FGF12: variants seen among roughly 807,000 people sequenced by gnomAD.
FGF12 encodes the protein fibroblast growth factor 12.
FGF12 carries 14 observed loss-of-function variants against 23.6 expected under a neutral mutation model. That is an observed-to-expected ratio of 0.59 (90% CI 0.39 to 0.93). The LOEUF (loss-of-function observed/expected upper bound fraction) is 0.93. FGF12 is among the 40% of genes least tolerant of loss of function. FGF12 has a pLI of 0.00. For missense variants in FGF12, 175 were observed against 217.8 expected, an observed-to-expected ratio of 0.80 and a Z score of 1.24; for synonymous variants, 62 against 77.3, an observed-to-expected ratio of 0.80 and a Z score of 1.04.
intron 4 of FGF12, among the ~76,000 whole-genome samples, chr3:192,269,493 C>T (rs938620763): frequency 1.3e-5 from 2 of 152,158 alleles, no homozygotes; most frequent in African/African-American, 2.4e-5. Flanking sequence ...TGCAATCTTG[C>T]TCAGTTCCTT....
chr3:192,488,310 C>T lies in FGF12; in HGVS notation c.14-127772G>A, dbSNP rs144896014. On this transcript the variant is annotated intron_variant, in intron 2 of 5. Transcript: ENST00000445105. ...AATATTTCCTAATATGGAAATATAA[C>T]GTTCATCACTAATAACCACATACGA... is the stretch of plus-strand genomic sequence containing the variant. Among the ~76,000 whole-genome samples the T allele has an allele frequency of 4.1e-3, 617 of 152,048 alleles. 6 individuals carry two copies. The highest frequency in any genetic ancestry group is 0.014 in the African/African-American group (588 of 41,490).
At chr3:192,629,766 T>C (rs545039389) in intron 2 of FGF12, among the ~76,000 whole-genome samples, 1 of 152,176 alleles carries the variant, frequency 6.6e-6, no homozygotes, top group Non-Finnish European at 1.5e-5. Context: ...GTCTCTAAGG[T>C]AGTCTCATCT....
chr3:192,346,121 T>C (rs896869291), intron 3 of FGF12, among the ~76,000 whole-genome samples: 1 of 152,238 alleles, frequency 6.6e-6, no homozygotes, highest in African/African-American at 2.4e-5. Context: ...ATTCAATCCA[T>C]GTCTACTATA....
At chr3:192,668,602 A>G (rs1328627218) in intron 2 of FGF12, among the ~76,000 whole-genome samples, 3 of 152,176 alleles carry the variant, frequency 2.0e-5, no homozygotes, top group Admixed American at 2.0e-4. Context: ...ACACAGATGC[A>G]GGACCTGAAA....
At chr3:192,239,058 A>G (rs1161074626) in intron 4 of FGF12, among the ~76,000 whole-genome samples, 2 of 152,218 alleles carry the variant, frequency 1.3e-5, no homozygotes, top group African/African-American at 4.8e-5. Flanking sequence ...TGCTTAGTGT[A>G]TAACTTTTCC....
intron 2 of FGF12, among the ~76,000 whole-genome samples, chr3:192,542,756 G>A (rs1438055131): frequency 6.6e-6 from 1 of 151,976 alleles, no homozygotes; most frequent in African/African-American, 2.4e-5. Flanking sequence ...TATGGTTCTT[G>A]CAGACTTATA....
At chr3:192,162,123 G>T (rs912406972) in intron 5 of FGF12, among the ~76,000 whole-genome samples, 1 of 152,120 alleles carries the variant, frequency 6.6e-6, no homozygotes, top group Non-Finnish European at 1.5e-5. Context: ...CCAAGAAGCT[G>T]AAAGGTTAGA....
rs372970702 is a variant in FGF12 at position 192,154,521 on chromosome 3, T to G, written c.428-10394A>C. Among the ~76,000 whole-genome samples the G allele has an allele frequency of 3.7e-4, 56 of 150,328 alleles. 1 individual carries two copies. The East Asian group carries it at 0.011, about 29-fold the overall frequency. Reference sequence around the variant, plus strand: ...TGGATGTCCTTTCTGTTTGTTAGTTTTCCTTCTAACAGACAGGACCCTCAG... The same window carrying G: ...TGGATGTCCTTTCTGTTTGTTAGTTGTCCTTCTAACAGACAGGACCCTCAG... On this transcript the variant is annotated intron_variant, in intron 5 of 5. Coordinates refer to ENST00000445105, the MANE Select transcript of FGF12 (RefSeq NM_004113.6).
intron 2 of FGF12, among the ~76,000 whole-genome samples, chr3:192,720,495 A>G (rs1404814255): frequency 6.6e-6 from 1 of 152,182 alleles, no homozygotes; most frequent in Non-Finnish European, 1.5e-5. Flanking sequence ...AATTAGAACT[A>G]TTGACATAGA....
intron 2 of FGF12, among the ~76,000 whole-genome samples, chr3:192,618,603 A>G (rs952754113): frequency 2.6e-5 from 4 of 152,118 alleles, no homozygotes; most frequent in African/African-American, 9.7e-5. Flanking sequence ...ATTCTCTCTA[A>G]AACTCTGGCT....
At chr3:192,700,019 C>CCAAATCT (rs1718242792) in intron 2 of FGF12, among the ~76,000 whole-genome samples, 1 of 152,142 alleles carries the variant, frequency 6.6e-6, no homozygotes, top group African/African-American at 2.4e-5. Context: ...AAGATAGAAC[C>CCAAATCT]CAAATCTCTC....
At chr3:192,450,281 G>C (rs984655651) in intron 2 of FGF12, among the ~76,000 whole-genome samples, 3 of 152,148 alleles carry the variant, frequency 2.0e-5, no homozygotes, top group Admixed American at 2.0e-4. Context: ...TTTTCTTAGA[G>C]ACTCAAAGAC....
chr3:192,334,388 T>C (rs1577362871), intron 4 of FGF12, among the ~76,000 whole-genome samples: 2 of 152,084 alleles, frequency 1.3e-5, no homozygotes, highest in African/African-American at 2.4e-5. Flanking sequence ...AGCAGACATA[T>C]GGAAACTTCC....
chr3:192,316,666 C>T (rs1716241850), intron 4 of FGF12, among the ~76,000 whole-genome samples: 1 of 152,124 alleles, frequency 6.6e-6, no homozygotes, highest in Non-Finnish European at 1.5e-5. Context: ...GAAAGGCAGC[C>T]TAGACAACAA....
chr3:192,310,394 A>G (rs1466622316), intron 4 of FGF12, among the ~76,000 whole-genome samples: 2 of 152,212 alleles, frequency 1.3e-5, no homozygotes, highest in Non-Finnish European at 2.9e-5. Context: ...GTCTTTCTAT[A>G]AAGATTTCTA....
intron 4 of FGF12, among the ~76,000 whole-genome samples, chr3:192,279,169 A>G (rs949505920): frequency 6.6e-6 from 1 of 150,958 alleles, no homozygotes; most frequent in East Asian, 1.9e-4. Flanking sequence ...AGGACAGTTA[A>G]AGAAAATGAT....
At chr3:192,670,938 G>C (rs546626508) in intron 2 of FGF12, among the ~76,000 whole-genome samples, 2 of 152,178 alleles carry the variant, frequency 1.3e-5, no homozygotes, top group Non-Finnish European at 2.9e-5. Context: ...ATGGGAGAGC[G>C]ATCTGGGCTG....
At chr3:192,692,360 T>C (rs1168073189) in intron 2 of FGF12, among the ~76,000 whole-genome samples, 1 of 152,202 alleles carries the variant, frequency 6.6e-6, no homozygotes, top group Admixed American at 6.5e-5. Context: ...TGGTTTAACA[T>C]AGGTAAATTA....
At chr3:192,345,087 A>G in intron 3 of FGF12, among the ~76,000 whole-genome samples, 1 of 152,190 alleles carries the variant, frequency 6.6e-6, no homozygotes, top group Non-Finnish European at 1.5e-5. Flanking sequence ...ATCAAAAACT[A>G]TGTTGCCAAA....
Sources: gnomAD v4.1 joint callset for allele counts (sites outside exome capture counted in the v4.1 genomes callset) on GRCh38, gnomAD v4.1.1 for gene constraint, MANE v1.5 for transcripts, NCBI Gene and HGNC (gene_info 2026-07-23, HGNC 2026-07-21) for gene names.